Variants in SMC6 observed in about 807,000 individuals in gnomAD.
SMC6 encodes the protein structural maintenance of chromosomes protein 6.
In SMC6, 79 loss-of-function variants were observed where a neutral mutation model predicts 142.2. The observed-to-expected ratio is 0.56, with a 90% CI of 0.46 to 0.67. SMC6 has a LOEUF of 0.67. Among genes scored for constraint, SMC6 ranks in the 30% least tolerant of loss-of-function variants. SMC6 has a pLI of 0.00. For synonymous variants in SMC6, 411 were observed against 412.4 expected (o/e 1.00, Z 0.04); for missense variants, 1,072 against 1,284.0 (o/e 0.83, Z 2.52).
At chr2:17,746,114 G>T in intron 2 of SMC6, 163 bp from the exon 3 acceptor site, 1 of 653,176 alleles carries the variant, frequency 1.5e-6, no homozygotes, top group Non-Finnish European at 2.3e-6. Flanking sequence ...CTAAGGAAGA[G>T]GGACATGAGT....
At chr2:17,708,589 T>A (rs116355719) in intron 17 of SMC6, 50 bp downstream of exon 17, 1 of 980,604 alleles carries the variant, frequency 1.0e-6, no homozygotes, top group East Asian at 2.9e-5. Context: ...ATCTTCAGTT[T>A]TAAAAATTTA....
Position 17,678,773 on chromosome 2 carries a change from C to T in SMC6, c.2910+86G>A, listed in dbSNP as rs139616735. ...CCTGGGCAACAGAGTAAGACTCTGCCTCTAAAAAAAACCCAACAAAAATAG... is the reference window on the plus strand; with the variant it reads ...CCTGGGCAACAGAGTAAGACTCTGCTTCTAAAAAAAACCCAACAAAAATAG... On this transcript the variant is annotated intron_variant, in intron 25 of 27. Transcript: ENST00000448223. The T allele has an allele frequency of 3.9e-4, 369 of 947,860 alleles. No homozygotes were observed. The African/African-American group carries it at 5.5e-3, about 14-fold the overall frequency. The allele number at this position is 947,860 out of a possible 1,614,324, so 58.7% of individuals were successfully genotyped here. A position where few individuals can be genotyped will look rare whatever the true frequency, so the allele number is the denominator to read the frequency against.
intron 25 of SMC6, among the ~76,000 whole-genome samples, chr2:17,673,156 AAC>A (rs1282155757): frequency 6.6e-6 from 1 of 152,158 alleles, no homozygotes; most frequent in East Asian, 1.9e-4. Flanking sequence ...TCTGATGACT[AAC>A]AGCGCTTTTT....
chr2:17,676,224 C>G (rs1254479881), intron 25 of SMC6, among the ~76,000 whole-genome samples: 2 of 152,094 alleles, frequency 1.3e-5, no homozygotes, highest in Admixed American at 1.3e-4. Flanking sequence ...GATTCCAATT[C>G]TATGTTGAAA....
chr2:17,673,624 T>C (rs2555076), intron 25 of SMC6, among the ~76,000 whole-genome samples: 75,786 of 150,930 alleles, frequency 0.5, 21,197 homozygotes, highest in African/African-American at 0.72. Flanking sequence ...GGCTGGAGTG[T>C]AATGGTGTGA....
At chr2:17,692,135 G>A (rs1197270434) in intron 23 of SMC6, among the ~76,000 whole-genome samples, 1 of 152,154 alleles carries the variant, frequency 6.6e-6, no homozygotes, top group Non-Finnish European at 1.5e-5. Context: ...ACTGCCCAAG[G>A]TAATTTATAG....
chr2:17,703,116 T>C (rs980950036), intron 19 of SMC6, 41 bp downstream of exon 19: 2 of 1,230,362 alleles, frequency 1.6e-6, no homozygotes, highest in Middle Eastern at 2.8e-4. Flanking sequence ...AGTAGTAAGT[T>C]GAAAAAAACA....
intron 7 of SMC6, among the ~76,000 whole-genome samples, chr2:17,728,371 T>C (rs1192931550): frequency 1.3e-5 from 2 of 151,498 alleles, no homozygotes; most frequent in Non-Finnish European, 2.9e-5. Context: ...GAGGTGGAGG[T>C]TGCAGGGAGT....
intron 8 of SMC6, among the ~76,000 whole-genome samples, chr2:17,725,965 G>A (rs1278813770): frequency 6.6e-6 from 1 of 151,454 alleles, no homozygotes; most frequent in Non-Finnish European, 1.5e-5. Context: ...TCACATGCTT[G>A]TAACCCCAGC....
intron 7 of SMC6, among the ~76,000 whole-genome samples, chr2:17,730,210 T>G (rs1669838948): frequency 6.6e-6 from 1 of 152,202 alleles, no homozygotes; most frequent in East Asian, 1.9e-4. Flanking sequence ...AGGTAATTCT[T>G]GTGTAAATGT....
intron 24 of SMC6, 147 bp from the exon 25 acceptor site, chr2:17,679,111 T>TC: frequency 1.8e-6 from 1 of 545,084 alleles, no homozygotes; most frequent in Non-Finnish European, 3.2e-6. Context: ...GAGTTTTAGG[T>TC]AGTATTTTTT....
chr2:17,737,997 A>G (rs1189229334), intron 5 of SMC6, among the ~76,000 whole-genome samples: 1 of 152,230 alleles, frequency 6.6e-6, no homozygotes, highest in Non-Finnish European at 1.5e-5. Context: ...ATGGCCAGGC[A>G]CAGGGCAATA....
At chr2:17,712,897 A>G (rs1358077520) in intron 16 of SMC6, among the ~76,000 whole-genome samples, 2 of 152,238 alleles carry the variant, frequency 1.3e-5, no homozygotes, top group Non-Finnish European at 2.9e-5. Flanking sequence ...AGTTTCTTCC[A>G]CAACTCCAAC....
intron 9 of SMC6, among the ~76,000 whole-genome samples, chr2:17,724,937 CTACT>C (rs1669540768): frequency 6.6e-6 from 1 of 152,144 alleles, no homozygotes; most frequent in African/African-American, 2.4e-5. Flanking sequence ...AGGTTTTAAA[CTACT>C]TAAACTACCA....
intron 7 of SMC6, among the ~76,000 whole-genome samples, chr2:17,729,134 T>G (rs1669782178): frequency 6.6e-6 from 1 of 152,124 alleles, no homozygotes; most frequent in Non-Finnish European, 1.5e-5. Context: ...TTTAATCAAA[T>G]ATAACCAAAA....
At chr2:17,733,005 T>C (rs1669983901) in intron 5 of SMC6, among the ~76,000 whole-genome samples, 1 of 152,206 alleles carries the variant, frequency 6.6e-6, no homozygotes, top group African/African-American at 2.4e-5. Context: ...TTAATAAAGA[T>C]ATAATTTTCT....
chr2:17,718,207 G>C lies in SMC6; in HGVS notation c.962C>G (p.Ala321Gly), dbSNP rs1486275118. 2 of 1,599,296 alleles carry C rather than the reference G, an allele frequency of 1.3e-6. 1 individual carries two copies. The highest frequency in any genetic ancestry group is 2.7e-5 in the African/African-American group (2 of 74,460). Reference protein sequence around the residue: ...MEEQQVRLNEAEQKYKDIQDK... With the variant: ...MEEQQVRLNEGEQKYKDIQDK... ...TTGAATATCCTTGTACTTTTGTTCT[G>C]CCTCATTAAGTCTGACCTTTAAGAA... The change falls in exon 12 of 28, where the codon GCA becomes GGA. Residue 321 changes from alanine to glycine, a missense_variant. Transcript: ENST00000448223.
At chr2:17,685,895 T>C (rs993779912) in intron 23 of SMC6, among the ~76,000 whole-genome samples, 9 of 151,660 alleles carry the variant, frequency 5.9e-5, no homozygotes, top group Non-Finnish European at 7.4e-5. Context: ...TATATATCTA[T>C]ATATATATAT....
chr2:17,733,558 C>A (rs1025417946), intron 5 of SMC6, among the ~76,000 whole-genome samples: 1 of 152,146 alleles, frequency 6.6e-6, no homozygotes, highest in Non-Finnish European at 1.5e-5. Flanking sequence ...GAAAATTGTA[C>A]TATCTTTGCA....
Sources: allele counts gnomAD v4.1 joint callset (sites outside exome capture counted in the v4.1 genomes callset), GRCh38; gene constraint gnomAD v4.1.1; transcripts MANE v1.5; gene names NCBI Gene and HGNC (gene_info 2026-07-23, HGNC 2026-07-21).